GALNTL6: variants seen among roughly 807,000 people sequenced by gnomAD.
The protein encoded by GALNTL6 is polypeptide N-acetylgalactosaminyltransferase-like 6.
A neutral mutation model predicts 73.7 loss-of-function variants in GALNTL6; 46 were observed. The ratio of observed to expected loss-of-function variants is 0.62; its 90% CI spans 0.49 to 0.80. The LOEUF (loss-of-function observed/expected upper bound fraction) is 0.80, where lower values mean the gene tolerates loss of function less well. GALNTL6 is among the 30% of genes least tolerant of loss of function. GALNTL6 has a pLI of 0.00. For missense variants in GALNTL6, 604 were observed against 755.0 expected (o/e 0.80, Z 2.34); for synonymous variants, 259 against 263.7 (o/e 0.98, Z 0.17).
intron 5 of GALNTL6, among the ~76,000 whole-genome samples, chr4:172,761,826 C>A (rs1738123166): frequency 6.6e-6 from 1 of 152,162 alleles, no homozygotes; most frequent in African/African-American, 2.4e-5. Context: ...GTAAATTAAA[C>A]CTCTTTTCTT....
intron 7 of GALNTL6, among the ~76,000 whole-genome samples, chr4:172,845,542 G>A: frequency 6.6e-6 from 1 of 152,138 alleles, no homozygotes. Flanking sequence ...TGAGAGCATT[G>A]TTAGCAGTAA....
chr4:172,957,974 G>C (rs945142321), intron 10 of GALNTL6, among the ~76,000 whole-genome samples: 1 of 152,154 alleles, frequency 6.6e-6, no homozygotes, highest in African/African-American at 2.4e-5. Flanking sequence ...GTGAATGTCA[G>C]GTGGATTAGA....
At chr4:172,591,162 GT>G (rs1480851690) in intron 5 of GALNTL6, among the ~76,000 whole-genome samples, 3 of 152,158 alleles carry the variant, frequency 2.0e-5, no homozygotes, top group Non-Finnish European at 4.4e-5. Flanking sequence ...TTCTGTTTTT[GT>G]TTTTGTTTTA....
intron 9 of GALNTL6, 57 bp downstream of exon 9, chr4:172,931,325 T>A: frequency 1.0e-6 from 1 of 985,690 alleles, no homozygotes; most frequent in Non-Finnish European, 1.7e-6. Context: ...GTAACCAGAG[T>A]AACCAACCTT....
intron 5 of GALNTL6, among the ~76,000 whole-genome samples, chr4:172,790,411 G>A (rs985650072): frequency 6.6e-6 from 1 of 152,044 alleles, no homozygotes; most frequent in Non-Finnish European, 1.5e-5. Context: ...TTCTCTCTCT[G>A]CCCATGCACA....
At chr4:172,286,769 A>G (rs1739271824) in intron 3 of GALNTL6, among the ~76,000 whole-genome samples, 1 of 152,242 alleles carries the variant, frequency 6.6e-6, no homozygotes. Context: ...CAGTGGTTCA[A>G]CTATGAAAAT....
chr4:171,890,030 A>G (rs1578944674), intron 2 of GALNTL6, among the ~76,000 whole-genome samples: 1 of 152,298 alleles, frequency 6.6e-6, no homozygotes, highest in Non-Finnish European at 1.5e-5. Flanking sequence ...ATTTAAAATT[A>G]ATTTCAAAAT....
At chr4:172,048,413 G>A (rs1316733632) in intron 2 of GALNTL6, among the ~76,000 whole-genome samples, 1 of 152,076 alleles carries the variant, frequency 6.6e-6, no homozygotes, top group East Asian at 1.9e-4. Context: ...CATCTCTGAA[G>A]CAAAACTCAT....
At chr4:172,520,044 T>C (rs1734726907) in intron 5 of GALNTL6, among the ~76,000 whole-genome samples, 1 of 151,934 alleles carries the variant, frequency 6.6e-6, no homozygotes, top group Non-Finnish European at 1.5e-5. Context: ...TTTAAAGTTA[T>C]TCATTATTAA....
chr4:172,514,715 T>A (rs927501137), intron 5 of GALNTL6, among the ~76,000 whole-genome samples: 3 of 152,178 alleles, frequency 2.0e-5, no homozygotes, highest in Non-Finnish European at 4.4e-5. Flanking sequence ...CAAGGGCCCC[T>A]GTGAGATACG....
chr4:172,943,301 G>A (rs1287626776), intron 9 of GALNTL6, among the ~76,000 whole-genome samples: 1 of 152,104 alleles, frequency 6.6e-6, no homozygotes, highest in Non-Finnish European at 1.5e-5. Context: ...CAGACACTGA[G>A]TGAGCCACCT....
intron 10 of GALNTL6, among the ~76,000 whole-genome samples, chr4:172,976,571 T>G (rs952906516): frequency 2.0e-5 from 3 of 152,204 alleles, no homozygotes; most frequent in African/African-American, 7.2e-5. Flanking sequence ...CATATGAAAG[T>G]AACATTGACA....
chr4:172,349,363 C>T (rs28631281), intron 5 of GALNTL6, among the ~76,000 whole-genome samples: 13,068 of 151,608 alleles, frequency 0.086, 597 homozygotes, highest in Middle Eastern at 0.1. Context: ...TTTTATTGCA[C>T]GAAGGAGCTA....
At chr4:172,004,439 A>G (rs538986651) in intron 2 of GALNTL6, among the ~76,000 whole-genome samples, 4 of 152,176 alleles carry the variant, frequency 2.6e-5, no homozygotes, top group African/African-American at 9.6e-5. Context: ...AAAATTTTAA[A>G]CTGCTCTATT....
chr4:172,402,375 T>C (rs1481644384), intron 5 of GALNTL6, among the ~76,000 whole-genome samples: 3 of 152,074 alleles, frequency 2.0e-5, no homozygotes, highest in African/African-American at 7.2e-5. Context: ...AAAGATAACA[T>C]GAAGAAATCT....
intron 2 of GALNTL6, among the ~76,000 whole-genome samples, chr4:172,092,879 T>TC (rs973681132): frequency 1.3e-5 from 2 of 148,188 alleles, no homozygotes; most frequent in African/African-American, 4.9e-5. Flanking sequence ...TCTTTTCTTT[T>TC]TTTTTTTTTT....
At chr4:172,688,858 TA>T (rs1733090770) in intron 5 of GALNTL6, among the ~76,000 whole-genome samples, 1 of 152,180 alleles carries the variant, frequency 6.6e-6, no homozygotes, top group African/African-American at 2.4e-5. Context: ...TTTTTATATT[TA>T]ACTTATTTGT....
At chr4:172,291,044 A>T (rs1006291694) in intron 3 of GALNTL6, among the ~76,000 whole-genome samples, 1 of 151,980 alleles carries the variant, frequency 6.6e-6, no homozygotes, top group African/African-American at 2.4e-5. Flanking sequence ...TACCCCCACA[A>T]AAAAAGGAAT....
chr4:172,298,852 G>C (rs1739790211), intron 3 of GALNTL6, among the ~76,000 whole-genome samples: 1 of 152,166 alleles, frequency 6.6e-6, no homozygotes, highest in South Asian at 2.1e-4. Context: ...TCTCTGCCAG[G>C]CTTTGGTATC....
Sources: allele counts gnomAD v4.1 joint callset (sites outside exome capture counted in the v4.1 genomes callset), GRCh38; gene constraint gnomAD v4.1.1; transcripts MANE v1.5; gene names NCBI Gene and HGNC (gene_info 2026-07-23, HGNC 2026-07-21).